Variants in HTT observed in about 807,000 individuals in gnomAD.
HTT encodes huntingtin.
HTT carries 104 observed loss-of-function variants against 362.3 expected under a neutral mutation model. The observed-to-expected ratio is 0.29, with a 90% confidence interval of 0.24 to 0.34. The LOEUF (loss-of-function observed/expected upper bound fraction) is 0.34, where lower values mean the gene tolerates loss of function less well. HTT is among the 10% of genes least tolerant of loss of function. The probability of loss-of-function intolerance (pLI) is 1.00; values close to 1 mark genes in which losing one functional copy is unlikely to be tolerated. For synonymous variants in HTT, 1,577 were observed against 1,548.7 expected, an observed-to-expected ratio of 1.02 and a Z score of -0.43; for missense variants, 3,301 against 3,928.6, an observed-to-expected ratio of 0.84 and a Z score of 4.27.
At chr4:3,158,075 T>TCACCCTC (rs11281002) in intron 28 of HTT, among the ~76,000 whole-genome samples, 1 of 150,854 alleles carries the variant, frequency 6.6e-6, no homozygotes, top group African/African-American at 2.4e-5. Context: ...CCCTGCAGTC[T>TCACCCTC]CAGGGCTCAA....
intron 14 of HTT, 100 bp downstream of exon 14, chr4:3,130,523 G>T: frequency 1.6e-6 from 1 of 638,448 alleles, no homozygotes. Context: ...CCCATCCCTG[G>T]GCCTTTAAAT....
At chr4:3,117,578 T>G (rs989203429) in intron 8 of HTT, among the ~76,000 whole-genome samples, 5 of 152,234 alleles carry the variant, frequency 3.3e-5, no homozygotes, top group Non-Finnish European at 7.3e-5. Context: ...TGTTCATGCC[T>G]GTAATCCCAG....
intron 19 of HTT, among the ~76,000 whole-genome samples, chr4:3,135,588 G>A (rs73088165): frequency 6.6e-6 from 1 of 152,254 alleles, no homozygotes; most frequent in South Asian, 2.1e-4. Context: ...CAGCAAGATA[G>A]CAGGTTATGG....
rs558507050 is a variant in HTT at position 3,109,066 on chromosome 4, A to T, written c.747+1643A>T. ...AAGATGCCATTTCTTAAAAAAAAAAAATATATATATATATATTATCAATGA... is the reference window on the plus strand; with the variant it reads ...AAGATGCCATTTCTTAAAAAAAAAATATATATATATATATATTATCAATGA... On this transcript the variant is annotated intron_variant, in intron 6 of 66. Transcript: ENST00000355072. 9.3e-3 allele frequency among the ~76,000 whole-genome samples: 783 copies of T among 84,038 alleles called. 9 individuals are homozygous for T. The highest frequency in any genetic ancestry group is 0.024 in the Middle Eastern group (5 of 212). The allele number at this position is 84,038 out of a possible 152,430, so 55.1% of individuals were successfully genotyped here. A position where few individuals can be genotyped will look rare whatever the true frequency, so the allele number is the denominator to read the frequency against.
At chr4:3,215,713 GA>G (rs201420316) in intron 51 of HTT, among the ~76,000 whole-genome samples, 141 of 138,320 alleles carry the variant, frequency 1.0e-3, no homozygotes, top group Middle Eastern at 7.5e-3. Flanking sequence ...TTTTCCTACA[GA>G]AAAAAAAAAA....
At chr4:3,208,327 G>T (rs924195759) in intron 45 of HTT, among the ~76,000 whole-genome samples, 1 of 152,224 alleles carries the variant, frequency 6.6e-6, no homozygotes, top group Admixed American at 6.5e-5. Context: ...AATATCTTGT[G>T]CCAGATGAGG....
At chr4:3,110,717 C>T (rs1287746663) in intron 6 of HTT, among the ~76,000 whole-genome samples, 3 of 152,188 alleles carry the variant, frequency 2.0e-5, no homozygotes, top group Non-Finnish European at 4.4e-5. Flanking sequence ...CCAACGTGAC[C>T]CGATTCCTTA....
intron 35 of HTT, among the ~76,000 whole-genome samples, chr4:3,179,507 T>G (rs930130761): frequency 5.9e-5 from 9 of 152,124 alleles, no homozygotes; most frequent in Non-Finnish European, 1.3e-4. Context: ...AGAGTATGTG[T>G]CACTGAGAGG....
chr4:3,228,480 G>A lies in HTT; in HGVS notation c.7849-135G>A, dbSNP rs972484594. ...TGTGGGCTCCCTTGCCCGTAACCTG[G>A]GGTGTCTGAACGACCCTTGCTAAGG... On this transcript the variant is annotated intron_variant, in intron 57 of 66. Coordinates refer to ENST00000355072, the MANE Select transcript of HTT (RefSeq NM_001388492.1). This position sits in a 1 kb window ranked among gnomAD's most constrained non-coding sequence, Gnocchi z 4.3. 7 of 958,890 alleles carry A rather than the reference G, an allele frequency of 7.3e-6. No individual in the cohort carries two copies. The highest frequency in any genetic ancestry group is 1.0e-5 in the Non-Finnish European group (7 of 673,746). The allele number at this position is 958,890 out of a possible 1,614,324, so 59.4% of individuals were successfully genotyped here.
chr4:3,239,943 G>C lies in HTT; in HGVS notation c.9313G>C (p.Glu3105Gln), dbSNP rs1721731082. The change falls in exon 67 of 67, where the codon GAG becomes CAG. Residue 3105 changes from glutamate to glutamine, a missense_variant. Physicochemically the swap from Glu to Gln is conservative, Grantham distance 29 (BLOSUM62 2). Around this residue, in one of 4 missense-constraint regions of HTT, gnomAD observed 753 missense variants for 1,021.3 expected, o/e 0.74. Coordinates refer to ENST00000355072, the MANE Select transcript of HTT (RefSeq NM_001388492.1). ...ATDFYRHQIE[E>Q]ELDRRAFQSV... ...AGACTTCTACAGACACCAGATAGAG[G>C]AGGAGCTCGACCGCAGGGCCTTCCA... 2 of 1,586,016 alleles carry C rather than the reference G, an allele frequency of 1.3e-6. No individual in the cohort carries two copies. Among genetic ancestry groups the C allele is most frequent in the East Asian group, 2.3e-5 (1 of 44,098 alleles).
intron 21 of HTT, among the ~76,000 whole-genome samples, chr4:3,138,800 A>G (rs1716204579): frequency 6.6e-6 from 1 of 152,252 alleles, no homozygotes; most frequent in African/African-American, 2.4e-5. Context: ...TTTGGTAGAG[A>G]TGGGGTTTCA....
rs1472525633 is a variant in HTT at position 3,213,982 on chromosome 4, G to A, written c.6799G>A (p.Glu2267Lys). Reference sequence around the variant, plus strand: ...GGCCCTGTCCTGGCATTTGATCCATGAGCAGATCCCGCTGAGTCTGGATCT... The same window carrying A: ...GGCCCTGTCCTGGCATTTGATCCATAAGCAGATCCCGCTGAGTCTGGATCT... ...LEALSWHLIH[E>K]QIPLSLDLQA... Residue 2267 changes from glutamate (E) to lysine (K), a missense_variant, in exon 50 of 67, where the codon GAG (glutamate) becomes AAG (lysine). Coordinates refer to ENST00000355072, the MANE Select transcript of HTT (RefSeq NM_001388492.1). 6.3e-7 allele frequency: 1 copy of A among 1,588,182 alleles called. No homozygotes were observed. The highest frequency in any genetic ancestry group is 1.3e-5 in the African/African-American group (1 of 74,158).
intron 64 of HTT, among the ~76,000 whole-genome samples, chr4:3,237,262 C>G (rs1006974392): frequency 6.6e-6 from 1 of 152,208 alleles, no homozygotes; most frequent in Admixed American, 6.5e-5. Context: ...TTAGTAGAGA[C>G]GGGGTTTCAC....
chr4:3,227,937 G>T (rs1720997260), intron 57 of HTT, among the ~76,000 whole-genome samples: 1 of 152,216 alleles, frequency 6.6e-6, no homozygotes, highest in African/African-American at 2.4e-5. Context: ...GAGTGCAGGG[G>T]CTCCTCCTTG....
In HTT at chr4:3,115,418, T is replaced by C. The variant is rs754793295; in HGVS notation, c.862T>C (p.Tyr288His). 18 of 1,613,678 alleles carry C rather than the reference T, an allele frequency of 1.1e-5. No homozygotes were observed. Among genetic ancestry groups the C allele is most frequent in the Non-Finnish European group, 1.3e-5 (15 of 1,179,684 alleles). The change falls in exon 7 of 67, where the codon TAT (tyrosine) becomes CAT (histidine). Residue 288 changes from tyrosine (Y) to histidine (H), a missense_variant. Physicochemically the swap from Tyr to His is moderately conservative, Grantham distance 83 (BLOSUM62 2). Transcript: ENST00000355072. ...CQHSRRTQYF[Y>H]SWLLNVLLGL... ...GCACTCAAGAAGGACACAATATTTCTATAGTTGGCTACTAAATGTGCTCTT... is the reference window on the plus strand; with the variant it reads ...GCACTCAAGAAGGACACAATATTTCCATAGTTGGCTACTAAATGTGCTCTT...
At chr4:3,079,306 G>C (rs527535459) in intron 1 of HTT, among the ~76,000 whole-genome samples, 3 of 149,400 alleles carry the variant, frequency 2.0e-5, no homozygotes, top group Admixed American at 1.3e-4. Flanking sequence ...ACCCAGGCTG[G>C]AATGCAGTAT....
chr4:3,081,771 G>A (rs775433068), intron 1 of HTT, among the ~76,000 whole-genome samples: 7 of 151,480 alleles, frequency 4.6e-5, no homozygotes, highest in Non-Finnish European at 8.8e-5. Flanking sequence ...TGGTCAGGCT[G>A]GTCTTGAACT....
rs1442674013 is a variant in HTT, at chr4:3,228,275, A to G, written c.7849-340A>G. Among the ~76,000 whole-genome samples the G allele has an allele frequency of 6.6e-6, 1 of 152,188 alleles. No individual in the cohort carries two copies. The highest frequency in any genetic ancestry group is 1.5e-5 in the Non-Finnish European group (1 of 68,028). The stretch of plus-strand genomic sequence containing the variant: ...GGAGACTGGAAAAGGAATCTCACGT[A>G]TTGGTTCCGTGTTTTGGGGACTCCA... On this transcript the variant is annotated intron_variant, in intron 57 of 66. Transcript: ENST00000355072. The surrounding 1 kb of genome is among the most constrained non-coding windows in gnomAD (Gnocchi z 4.3).
At chr4:3,229,847 G>A (rs768157868) in intron 59 of HTT, 40 bp from the exon 60 acceptor site, 40 of 1,609,278 alleles carry the variant, frequency 2.5e-5, no homozygotes, top group African/African-American at 1.5e-4. Context: ...TTCTAACAGC[G>A]CGATTCTCCC....
Sources: gnomAD v4.1 joint callset for allele counts (sites outside exome capture counted in the v4.1 genomes callset) on GRCh38, gnomAD v4.1.1 for gene constraint, gnomAD v4.1.1 regional missense constraint, Gnocchi (gnomAD v3.1) non-coding constraint, MANE v1.5 for transcripts, NCBI Gene and HGNC (gene_info 2026-07-23, HGNC 2026-07-21) for gene names.